ANKRD35: variants seen among roughly 807,000 people sequenced by gnomAD.
ANKRD35 encodes the protein ankyrin repeat domain 35.
Under a neutral mutation model 109.9 loss-of-function variants are expected in ANKRD35, and 102 were observed. That is an observed-to-expected ratio of 0.93 (90% CI 0.79 to 1.09). ANKRD35 has a LOEUF of 1.09. Ranked by LOEUF, ANKRD35 falls within the 50% of genes least tolerant of loss-of-function variation. The pLI, the probability that ANKRD35 is intolerant of heterozygous loss-of-function variation, is 0.00. For synonymous variants in ANKRD35, 515 were observed against 512.4 expected, an observed-to-expected ratio of 1.01 and a Z score of -0.07; for missense variants, 1,240 against 1,230.1, an observed-to-expected ratio of 1.01 and a Z score of -0.12.
At chr1:145,883,981 T>C (rs1553741521) in intron 1 of ANKRD35, among the ~76,000 whole-genome samples, 1 of 152,232 alleles carries the variant, frequency 6.6e-6, no homozygotes, top group African/African-American at 2.4e-5. Flanking sequence ...TCATTCTTTA[T>C]GGTCAAACCT....
At chr1:145,880,318 G>C (rs1019008634) in intron 1 of ANKRD35, among the ~76,000 whole-genome samples, 2 of 152,202 alleles carry the variant, frequency 1.3e-5, no homozygotes, top group Non-Finnish European at 2.9e-5. Flanking sequence ...GAATGAAAAG[G>C]AAGAGACAGA....
At position 145,878,156 on chromosome 1, in the gene ANKRD35, G is replaced by C. The variant is rs782239934; in HGVS notation, c.260-124C>G. The C allele has an allele frequency of 7.7e-6, 8 of 1,040,476 alleles. No individual in the cohort carries two copies. In the African/African-American group the frequency reaches 9.4e-5, roughly 12 times the overall value. The allele number at this position is 1,040,476 out of a possible 1,614,324, so 64.5% of individuals were successfully genotyped here. A position where few individuals can be genotyped will look rare whatever the true frequency, so the allele number is the denominator to read the frequency against. On this transcript the variant is annotated intron_variant, in intron 3 of 13. Transcript: ENST00000355594. ...TAGGGAGAGAAGCTTTCAGCCACAC[G>C]GGGCCAGAAATTCCTGTTCCCCAAG...
chr1:145,873,822 AGCTCCT>A lies in ANKRD35; in HGVS notation c.941_946del (p.Gln314_Glu315del), dbSNP rs1553739505. On this transcript the variant is annotated inframe_deletion, in exon 10 of 14. Transcript: ENST00000355594. ...CTTACACTCTTCTGTCTTTTGCACCAGCTCCTGCTCCAGCCGAACAACTTTCCTCCG... is the reference window on the plus strand; with the variant it reads ...CTTACACTCTTCTGTCTTTTGCACCAGCTCCAGCCGAACAACTTTCCTCCG... 1.2e-6 allele frequency: 2 copies of A among 1,610,134 alleles called. No homozygotes were observed. The highest frequency in any genetic ancestry group is 2.2e-5 in the South Asian group (2 of 90,608).
In ANKRD35 at chr1:145,876,201, C is replaced by T. The variant is rs1570802472; in HGVS notation, c.499G>A (p.Ala167Thr). 1 of 1,614,098 alleles carries T rather than the reference C, an allele frequency of 6.2e-7. No individual in the cohort carries two copies. Among genetic ancestry groups the T allele is most frequent in the African/African-American group, 1.3e-5 (1 of 75,062 alleles). ...LMIASLGGHA[A>T]ICSQLLQRGA... ...CGCTGCAGCAGCTGTGAGCAGATAG[C>T]TGCGTGCCCACCCAGCGATGCGATC... Residue 167 changes from alanine to threonine, a missense_variant, in exon 7 of 14, where the codon GCT (alanine) becomes ACT (threonine). Coordinates refer to ENST00000355594, the MANE Select transcript of ANKRD35 (RefSeq NM_144698.5).
chr1:145,873,869 C>A lies in ANKRD35; in HGVS notation c.900G>T (p.Trp300Cys), dbSNP rs782242930. The A allele has an allele frequency of 8.1e-6, 13 of 1,613,938 alleles. No homozygotes were observed. The highest frequency in any genetic ancestry group is 1.0e-5 in the Non-Finnish European group (12 of 1,179,936). The change falls in exon 10 of 14, where the codon TGG (tryptophan) becomes TGT (cysteine). Residue 300 changes from tryptophan (W) to cysteine (C), a missense_variant. Physicochemically the swap from Trp to Cys is radical, Grantham distance 215. Coordinates refer to ENST00000355594, the MANE Select transcript of ANKRD35 (RefSeq NM_144698.5). ...CTTTCCTCCGCTCCTCTTCATACTT[C>A]CACCTCCACTCCTCCGAGCACGGGT... Reference protein sequence around the residue: ...DEDPCSEEWRWKYEEERRKVV... With the variant: ...DEDPCSEEWRCKYEEERRKVV...
At chr1:145,882,462 A>ATTTTT (rs781961496) in intron 1 of ANKRD35, among the ~76,000 whole-genome samples, 1 of 140,226 alleles carries the variant, frequency 7.1e-6, no homozygotes, top group African/African-American at 2.7e-5. Context: ...CACCCAGGTA[A>ATTTTT]TTTTTTTTTT....
chr1:145,871,987 C>A lies in ANKRD35; in HGVS notation c.2782G>T (p.Ala928Ser). 1 of 1,610,550 alleles carries A rather than the reference C, an allele frequency of 6.2e-7. No homozygotes were observed. Among genetic ancestry groups the A allele is most frequent in the East Asian group, 2.2e-5 (1 of 44,876 alleles). ...HLIGACRDKEAKIKELLKKLE... is the reference protein window; with the variant it reads ...HLIGACRDKESKIKELLKKLE... ...GGGCTACCTCAGCTGCTCACCTTGG[C>A]TTCCTTGTCTCGGCAAGCCCCAATG... Residue 928 changes from alanine to serine, a missense_variant, in exon 10 of 14, where the codon GCC becomes TCC. Coordinates refer to ENST00000355594, the MANE Select transcript of ANKRD35 (RefSeq NM_144698.5).
At position 145,867,316 on chromosome 1, in the gene ANKRD35, AC is replaced by A; in HGVS notation, c.*13del. ...GAGAATCTCGTATCCCTGAGGGCAC[AC>A]AGTGAGGCTGCCTCACTCCTCTTCC... On this transcript the variant is annotated 3_prime_UTR_variant, in exon 13 of 14. Coordinates refer to ENST00000355594, the MANE Select transcript of ANKRD35 (RefSeq NM_144698.5). 1 of 1,611,370 alleles carries A rather than the reference AC, an allele frequency of 6.2e-7. No homozygotes were observed. The highest frequency in any genetic ancestry group is 8.5e-7 in the Non-Finnish European group (1 of 1,177,622).
At chr1:145,884,567 G>A (rs1654408613) in intron 1 of ANKRD35, among the ~76,000 whole-genome samples, 1 of 152,004 alleles carries the variant, frequency 6.6e-6, no homozygotes, top group Non-Finnish European at 1.5e-5. Flanking sequence ...AAATAAGGGG[G>A]CTCTCTGTAA....
At chr1:145,879,005 A>C (rs1654190768) in intron 2 of ANKRD35, among the ~76,000 whole-genome samples, 1 of 152,152 alleles carries the variant, frequency 6.6e-6, no homozygotes, top group Non-Finnish European at 1.5e-5. Context: ...CTGTTTGTTT[A>C]ATGGGCTTTA....
chr1:145,876,956 A>G (rs1654103904), intron 4 of ANKRD35, 83 bp from the exon 5 acceptor site: 4 of 1,442,504 alleles, frequency 2.8e-6, no homozygotes, highest in South Asian at 1.2e-5. Context: ...ACCAATTTCC[A>G]TGGTAATATG....
rs1273026339 is a variant in ANKRD35, at chr1:145,872,890, A to T, written c.1879T>A (p.Leu627Met). 4 of 1,614,026 alleles carry T rather than the reference A, an allele frequency of 2.5e-6. No homozygotes were observed. The Admixed American group carries it at 6.7e-5, about 27-fold the overall frequency. The change falls in exon 10 of 14, where the codon TTG becomes ATG. Residue 627 changes from leucine (L) to methionine (M), a missense_variant. Transcript: ENST00000355594. The stretch of plus-strand genomic sequence containing the variant: ...CCCAACTCCCCTAACTCCTCCAGCA[A>T]GTTACTGTTGCTCAGTCTCAGTACT... ...MSVLRLSNSNLLEELGELGRE... is the reference protein window; with the variant it reads ...MSVLRLSNSNMLEELGELGRE...
intron 1 of ANKRD35, among the ~76,000 whole-genome samples, chr1:145,879,844 C>T (rs1315205560): frequency 6.7e-6 from 1 of 149,938 alleles, no homozygotes; most frequent in Admixed American, 6.7e-5. Flanking sequence ...TGCTGCTCTG[C>T]TTTTTGTTGT....
rs782482625 is a variant in ANKRD35 at position 145,873,694 on chromosome 1, C to T, written c.1075G>A (p.Gly359Ser). ...TCCCCTCCAGGCCGGAGACTAGAGC[C>T]TTGCTTTCCTGAAGCTCTGGGCTCC... ...SWEPRASGKQGSSLRPGGDGM... is the reference protein window; with the variant it reads ...SWEPRASGKQSSSLRPGGDGM... The change falls in exon 10 of 14, where the codon GGC becomes AGC. Residue 359 changes from glycine (G) to serine (S), a missense_variant. Physicochemically the swap from Gly to Ser is moderately conservative, Grantham distance 56. Coordinates refer to ENST00000355594, the MANE Select transcript of ANKRD35 (RefSeq NM_144698.5). The T allele has an allele frequency of 7.4e-6, 12 of 1,614,006 alleles. No homozygotes were observed. Among genetic ancestry groups the T allele is most frequent in the Non-Finnish European group, 1.0e-5 (12 of 1,179,994 alleles).
rs1553740257 is a variant in ANKRD35, at chr1:145,876,986, C to T, written c.325-113G>A. 9.2e-6 allele frequency: 10 copies of T among 1,091,166 alleles called. No homozygotes were observed. The South Asian group carries it at 1.4e-4, about 15-fold the overall frequency. 67.6% of individuals were successfully genotyped at this position (1,091,166 alleles called of 1,614,324 possible). On this transcript the variant is annotated intron_variant, in intron 4 of 13. Coordinates refer to ENST00000355594, the MANE Select transcript of ANKRD35 (RefSeq NM_144698.5). ...AATATGAGGAGGGGCAGGAGGTCCACTTTGGAGAAGGCTATCTACTAGGCA... is the reference window on the plus strand; with the variant it reads ...AATATGAGGAGGGGCAGGAGGTCCATTTTGGAGAAGGCTATCTACTAGGCA...
Position 145,872,599 on chromosome 1 carries a change from C to T in ANKRD35, c.2170G>A (p.Glu724Lys). 1 of 1,613,484 alleles carries T rather than the reference C, an allele frequency of 6.2e-7. No homozygotes were observed. Reference sequence around the variant, plus strand: ...CAGGCCCGCAGCTCCTCCAGGGACTCCGCTGCTTTGCTTTGTGCACTCCTC... The same window carrying T: ...CAGGCCCGCAGCTCCTCCAGGGACTTCGCTGCTTTGCTTTGTGCACTCCTC... ...GERSAQSKAA[E>K]SLEELRACIS... The change falls in exon 10 of 14, where the codon GAG becomes AAG. Residue 724 changes from glutamate (E) to lysine (K), a missense_variant. Physicochemically the swap from Glu to Lys is moderately conservative, Grantham distance 56. Transcript: ENST00000355594.
chr1:145,872,952 C>A lies in ANKRD35; in HGVS notation c.1817G>T (p.Gly606Val), dbSNP rs781786302. 2 of 1,611,364 alleles carry A rather than the reference C, an allele frequency of 1.2e-6. No individual in the cohort carries two copies. The highest frequency in any genetic ancestry group is 2.2e-5 in the South Asian group (2 of 90,800). ...CTCCAGCTGTCCCTTTGCCAGGCCT[C>A]CTAGGGCCTTTTCCCCTCCAAGGGC... ...LGALGGEKALGGLAKGQLEKE... is the reference protein window; with the variant it reads ...LGALGGEKALVGLAKGQLEKE... Residue 606 changes from glycine to valine, a missense_variant, in exon 10 of 14, where the codon GGA becomes GTA. Transcript: ENST00000355594.
intron 4 of ANKRD35, among the ~76,000 whole-genome samples, 183 bp from the exon 5 acceptor site, chr1:145,877,056 G>A (rs181577492): frequency 1.3e-5 from 2 of 152,260 alleles, no homozygotes; most frequent in East Asian, 3.9e-4. Context: ...TTGAATATCA[G>A]CCCTGGTTTC....
Position 145,873,805 on chromosome 1 carries a change from C to G in ANKRD35, c.964G>C (p.Glu322Gln). The G allele has an allele frequency of 6.2e-7, 1 of 1,609,034 alleles. No homozygotes were observed. The highest frequency in any genetic ancestry group is 8.5e-7 in the Non-Finnish European group (1 of 1,177,476). ...TAGGCTGCAGCTTGAGTCTTACACT[C>G]TTCTGTCTTTTGCACCAGCTCCTGC... Reference protein sequence around the residue: ...LEQELVQKTEECKTQAAAYLD... With the variant: ...LEQELVQKTEQCKTQAAAYLD... Residue 322 changes from glutamate (E) to glutamine (Q), a missense_variant, in exon 10 of 14, where the codon GAG becomes CAG. Coordinates refer to ENST00000355594, the MANE Select transcript of ANKRD35 (RefSeq NM_144698.5).
Sources: allele counts gnomAD v4.1 joint callset (sites outside exome capture counted in the v4.1 genomes callset), GRCh38; gene constraint gnomAD v4.1.1; transcripts MANE v1.5; gene names NCBI Gene and HGNC (gene_info 2026-07-23, HGNC 2026-07-21).